Variants in CLGN observed in about 807,000 individuals in gnomAD.
CLGN encodes the protein testis tissue sperm-binding protein Li 79P.
Under a neutral mutation model 79.1 loss-of-function variants are expected in CLGN, and 62 were observed. That is an observed-to-expected ratio of 0.78 (90% CI 0.64 to 0.97). The LOEUF is 0.97. Among genes scored for constraint, CLGN ranks in the 50% least tolerant of loss-of-function variants. The pLI, the probability that CLGN is intolerant of heterozygous loss-of-function variation, is 0.00. For synonymous variants in CLGN, 225 were observed against 224.7 expected (o/e 1.00, Z -0.01); for missense variants, 647 against 715.5 (o/e 0.90, Z 1.09).
chr4:140,426,048 G>A (rs1729562347), intron 1 of CLGN, among the ~76,000 whole-genome samples: 1 of 152,128 alleles, frequency 6.6e-6, no homozygotes, highest in Admixed American at 6.5e-5. Context: ...ACCAACACTG[G>A]TATATTCCAG....
chr4:140,401,993 A>T lies in CLGN; in HGVS notation c.493T>A (p.Leu165Met), dbSNP rs759517299. ...YIKLLADTDDLILENFYDKTS... is the reference protein window; with the variant it reads ...YIKLLADTDDMILENFYDKTS... Reference sequence around the variant, plus strand: ...ATATTAAAATATCATACCAGAATCAAATCATCAGTGTCTGCTAGGAGTTTA... The same window carrying T: ...ATATTAAAATATCATACCAGAATCATATCATCAGTGTCTGCTAGGAGTTTA... The change falls in exon 6 of 15, where the codon TTG becomes ATG. Residue 165 changes from leucine (L) to methionine (M), a missense_variant. By Grantham distance (15) the Leu-to-Met change is conservative. Coordinates refer to ENST00000325617, the MANE Select transcript of CLGN (RefSeq NM_004362.3). The T allele has an allele frequency of 1.1e-5, 17 of 1,536,148 alleles. No homozygotes were observed. The East Asian group carries it at 4.0e-4, about 36-fold the overall frequency.
At chr4:140,406,159 C>A in intron 4 of CLGN, 76 bp from the exon 5 acceptor site, 1 of 1,416,950 alleles carries the variant, frequency 7.1e-7, no homozygotes, top group Non-Finnish European at 9.6e-7. Context: ...CAGTTGTGAA[C>A]AATAATTTTT....
Position 140,406,052 on chromosome 4 carries a change from G to C in CLGN, c.309C>G (p.Asn103Lys). Residue 103 changes from asparagine to lysine, a missense_variant, in exon 5 of 15, where the codon AAC becomes AAG. Transcript: ENST00000325617. ...GRWEIEELKE[N>K]QVPGDRGLVL... Reference sequence around the variant, plus strand: ...CCAGTCCTCTGTCACCAGGTACCTGGTTTTCTTTCAACTCTTCAATTTCCC... The same window carrying C: ...CCAGTCCTCTGTCACCAGGTACCTGCTTTTCTTTCAACTCTTCAATTTCCC... 5.0e-6 allele frequency: 8 copies of C among 1,612,546 alleles called. No individual in the cohort carries two copies. The highest frequency in any genetic ancestry group is 6.8e-6 in the Non-Finnish European group (8 of 1,179,452).
At chr4:140,393,579 A>G (rs1560738506) in intron 11 of CLGN, among the ~76,000 whole-genome samples, 1 of 152,156 alleles carries the variant, frequency 6.6e-6, no homozygotes, top group Non-Finnish European at 1.5e-5. Context: ...TAAGCATTAA[A>G]TCCCATTAGT....
At chr4:140,395,006 G>A (rs113465193) in intron 10 of CLGN, among the ~76,000 whole-genome samples, 376 of 152,022 alleles carry the variant, frequency 2.5e-3, no homozygotes, top group African/African-American at 7.9e-3. Context: ...GTGAAACCCC[G>A]TCTCCGCTAA....
intron 6 of CLGN, among the ~76,000 whole-genome samples, chr4:140,401,352 TAC>T (rs1166520960): frequency 6.6e-6 from 1 of 152,136 alleles, no homozygotes; most frequent in Non-Finnish European, 1.5e-5. Context: ...TAATGAGTAG[TAC>T]ATGAAAAAGT....
At chr4:140,419,586 T>A (rs1186036127) in intron 1 of CLGN, among the ~76,000 whole-genome samples, 1 of 152,124 alleles carries the variant, frequency 6.6e-6, no homozygotes, top group African/African-American at 2.4e-5. Context: ...TTTAATGTGG[T>A]AGAGTTTTAC....
intron 1 of CLGN, among the ~76,000 whole-genome samples, chr4:140,423,234 G>A (rs978361183): frequency 2.0e-5 from 3 of 152,046 alleles, no homozygotes; most frequent in Non-Finnish European, 2.9e-5. Flanking sequence ...TGTACTGAGT[G>A]TTTTTTATTA....
At chr4:140,401,228 G>C (rs935309406) in intron 6 of CLGN, among the ~76,000 whole-genome samples, 1 of 152,046 alleles carries the variant, frequency 6.6e-6, no homozygotes, top group Admixed American at 6.6e-5. Flanking sequence ...CAGATAAAGT[G>C]CTTATAGAAA....
chr4:140,419,945 AG>A (rs558968914), intron 1 of CLGN, among the ~76,000 whole-genome samples: 4 of 152,160 alleles, frequency 2.6e-5, no homozygotes, highest in Non-Finnish European at 5.9e-5. Flanking sequence ...TTGTTCTAAA[AG>A]CCTAAGGGCC....
At chr4:140,405,831 G>C (rs984514243) in intron 5 of CLGN, 111 bp downstream of exon 5, 1 of 1,112,162 alleles carries the variant, frequency 9.0e-7, no homozygotes, top group East Asian at 2.7e-5. Context: ...TAAGTGAAAC[G>C]AAAAAGGAAG....
At chr4:140,418,486 G>A (rs1680058051) in intron 1 of CLGN, among the ~76,000 whole-genome samples, 1 of 145,978 alleles carries the variant, frequency 6.9e-6, no homozygotes, top group Non-Finnish European at 1.5e-5. Flanking sequence ...AATCTACAAT[G>A]AACTCAAACA....
At chr4:140,415,217 G>A (rs1311418470) in intron 1 of CLGN, among the ~76,000 whole-genome samples, 1 of 152,140 alleles carries the variant, frequency 6.6e-6, no homozygotes, top group South Asian at 2.1e-4. Flanking sequence ...ACATGGAAAG[G>A]AACAACAGGT....
chr4:140,413,768 C>A lies in CLGN; in HGVS notation c.-9-681G>T, dbSNP rs549770766. ...CTGAGATCAAACTGCAAGGCGGCAG[C>A]GAGGCTGGGGGAGGGGCGCCCGCCA... On this transcript the variant is annotated intron_variant, in intron 1 of 14. Coordinates refer to ENST00000325617, the MANE Select transcript of CLGN (RefSeq NM_004362.3). Among the ~76,000 whole-genome samples the A allele has an allele frequency of 2.0e-5, 3 of 152,164 alleles. No homozygotes were observed. The East Asian group carries it at 5.8e-4, about 29-fold the overall frequency.
At chr4:140,407,191 A>G (rs898724103) in intron 4 of CLGN, among the ~76,000 whole-genome samples, 19 of 151,932 alleles carry the variant, frequency 1.3e-4, no homozygotes, top group African/African-American at 4.6e-4. Context: ...TATTTTTTTG[A>G]AAAAGATTAA....
Position 140,421,425 on chromosome 4 carries a change from G to C in CLGN, c.-10+6112C>G, listed in dbSNP as rs76340793. Among the ~76,000 whole-genome samples, 570 of 151,908 alleles carry C rather than the reference G, an allele frequency of 3.8e-3. 3 individuals carry two copies. The highest frequency in any genetic ancestry group is 0.012 in the South Asian group (59 of 4,790). ...TACCTTCCCACCAACAAGGCACAAG[G>C]GTTCCAATTTCTACACATCCTTGCC... On this transcript the variant is annotated intron_variant, in intron 1 of 14. Coordinates refer to ENST00000325617, the MANE Select transcript of CLGN (RefSeq NM_004362.3).
intron 1 of CLGN, among the ~76,000 whole-genome samples, chr4:140,416,811 A>G (rs1729342571): frequency 6.6e-6 from 1 of 152,022 alleles, no homozygotes; most frequent in Non-Finnish European, 1.5e-5. Context: ...AACTATTCCA[A>G]TCAATAGAAA....
intron 5 of CLGN, 31 bp from the exon 6 acceptor site, chr4:140,402,097 G>A: frequency 8.8e-7 from 1 of 1,141,584 alleles, no homozygotes. Context: ...CCGTACTACT[G>A]ATAAATAAAA....
At position 140,422,931 on chromosome 4, in the gene CLGN, C is replaced by G. The variant is rs542943215; in HGVS notation, c.-10+4606G>C. On this transcript the variant is annotated intron_variant, in intron 1 of 14. Transcript: ENST00000325617. ...CATGCCTGGCCTTCATTTATTATTTCTAACAGACTTTTGTATTGTGTTCGT... is the reference window on the plus strand; with the variant it reads ...CATGCCTGGCCTTCATTTATTATTTGTAACAGACTTTTGTATTGTGTTCGT... Among the ~76,000 whole-genome samples the G allele has an allele frequency of 3.1e-3, 476 of 152,262 alleles. 5 individuals carry two copies. Among genetic ancestry groups the G allele is most frequent in the African/African-American group, 0.011 (449 of 41,560 alleles).
Sources: gnomAD v4.1 joint callset for allele counts (sites outside exome capture counted in the v4.1 genomes callset) on GRCh38, gnomAD v4.1.1 for gene constraint, MANE v1.5 for transcripts, NCBI Gene and HGNC (gene_info 2026-07-23, HGNC 2026-07-21) for gene names.